XYLT1: variants seen among roughly 807,000 people sequenced by gnomAD.
The protein encoded by XYLT1 is xylosyltransferase 1.
XYLT1 carries 36 observed loss-of-function variants against 91.3 expected under a neutral mutation model. The observed-to-expected ratio is 0.39, with a 90% CI of 0.30 to 0.52. The LOEUF (loss-of-function observed/expected upper bound fraction) is 0.52, where lower values mean the gene tolerates loss of function less well. Among genes scored for constraint, XYLT1 ranks in the 20% least tolerant of loss-of-function variants. XYLT1 has a pLI of 0.68. For synonymous variants in XYLT1, 588 were observed against 532.0 expected (o/e 1.11, Z -1.45); for missense variants, 1,242 against 1,284.5 (o/e 0.97, Z 0.51).
At chr16:17,331,994 C>T (rs1046985546) in intron 2 of XYLT1, among the ~76,000 whole-genome samples, 2 of 152,224 alleles carry the variant, frequency 1.3e-5, no homozygotes, top group African/African-American at 4.8e-5. Flanking sequence ...CTGCCAGCCT[C>T]TGGGATTATT....
intron 1 of XYLT1, among the ~76,000 whole-genome samples, chr16:17,375,645 G>C (rs1007119724): frequency 2.0e-5 from 3 of 152,204 alleles, no homozygotes; most frequent in African/African-American, 7.2e-5. Context: ...ATTTGATAAG[G>C]CTGGTCAAGT....
In XYLT1 at chr16:17,374,725, A is replaced by C. The variant is rs8050200; in HGVS notation, c.364-16675T>G. Among the ~76,000 whole-genome samples the C allele has an allele frequency of 1.1e-3, 171 of 152,316 alleles. 1 individual carries two copies. Among genetic ancestry groups the C allele is most frequent in the Middle Eastern group, 6.8e-3 (2 of 294 alleles). On this transcript the variant is annotated intron_variant, in intron 1 of 11. Coordinates refer to ENST00000261381, the MANE Select transcript of XYLT1 (RefSeq NM_022166.4). ...CTGTCTAAAATAGAAGGACAAAAAA[A>C]ATCAATCTAGGTTAGAAAACATCAA... is the stretch of plus-strand genomic sequence containing the variant.
chr16:17,318,594 G>T (rs1440758197), intron 2 of XYLT1, among the ~76,000 whole-genome samples: 1 of 152,166 alleles, frequency 6.6e-6, no homozygotes, highest in East Asian at 1.9e-4. Flanking sequence ...CAATCCTGGG[G>T]TCAGTTATGC....
intron 1 of XYLT1, among the ~76,000 whole-genome samples, chr16:17,361,428 T>C (rs557469728): frequency 6.6e-6 from 1 of 152,228 alleles, no homozygotes; most frequent in African/African-American, 2.4e-5. Context: ...GTAACTGATA[T>C]ACTTTCTAAA....
chr16:17,169,234 A>G (rs894089230), intron 5 of XYLT1, among the ~76,000 whole-genome samples: 1 of 152,200 alleles, frequency 6.6e-6, no homozygotes, highest in Non-Finnish European at 1.5e-5. Flanking sequence ...GGAGGCTACA[A>G]AAAGTATGCT....
At chr16:17,338,463 G>C (rs1441595921) in intron 2 of XYLT1, 1 of 456,394 alleles carries the variant, frequency 2.2e-6, no homozygotes, top group Non-Finnish European at 4.4e-6. Flanking sequence ...ACGCTTTGCC[G>C]GGCTGGCTGG....
chr16:17,365,228 G>A (rs7187184), intron 1 of XYLT1, among the ~76,000 whole-genome samples: 9,551 of 152,184 alleles, frequency 0.063, 418 homozygotes, highest in Middle Eastern at 0.12. Flanking sequence ...CCTCCTCAGG[G>A]AAGTGGGACT....
chr16:17,336,521 C>T (rs973217009), intron 2 of XYLT1, among the ~76,000 whole-genome samples: 6 of 152,072 alleles, frequency 3.9e-5, no homozygotes, highest in African/African-American at 1.4e-4. Context: ...TGTGTGGTTG[C>T]GGGTGTGGGT....
At chr16:17,436,894 A>G (rs1420263070) in intron 1 of XYLT1, among the ~76,000 whole-genome samples, 2 of 152,184 alleles carry the variant, frequency 1.3e-5, no homozygotes, top group Non-Finnish European at 2.9e-5. Flanking sequence ...TATTCCATTC[A>G]CTGGGTAACA....
chr16:17,171,405 G>A (rs1334075927), intron 5 of XYLT1, among the ~76,000 whole-genome samples: 1 of 152,164 alleles, frequency 6.6e-6, no homozygotes, highest in Non-Finnish European at 1.5e-5. Flanking sequence ...AGGTCAAAAT[G>A]CACTGCAACA....
At chr16:17,236,458 G>A (rs1238522295) in intron 3 of XYLT1, among the ~76,000 whole-genome samples, 1 of 151,624 alleles carries the variant, frequency 6.6e-6, no homozygotes, top group Non-Finnish European at 1.5e-5. Context: ...GCTGGACTTG[G>A]TTGAGGGGAC....
chr16:17,305,075 C>A (rs1396605165), intron 2 of XYLT1, among the ~76,000 whole-genome samples: 1 of 152,152 alleles, frequency 6.6e-6, no homozygotes, highest in Non-Finnish European at 1.5e-5. Flanking sequence ...ATTTCACTAA[C>A]TCCTGATGAT....
chr16:17,385,307 CA>C (rs1469670057), intron 1 of XYLT1, among the ~76,000 whole-genome samples: 5 of 149,996 alleles, frequency 3.3e-5, no homozygotes, highest in African/African-American at 9.9e-5. Context: ...CACACACACA[CA>C]CACCTATGTA....
chr16:17,331,788 T>C (rs2034901957), intron 2 of XYLT1, among the ~76,000 whole-genome samples: 3 of 152,134 alleles, frequency 2.0e-5, no homozygotes, highest in Admixed American at 2.0e-4. Flanking sequence ...CACCACACTG[T>C]GGTATAAGGC....
Position 17,108,184 on chromosome 16 carries a change from G to T in XYLT1, c.*511C>A, listed in dbSNP as rs1280530097. On this transcript the variant is annotated 3_prime_UTR_variant, in exon 12 of 12. Coordinates refer to ENST00000261381, the MANE Select transcript of XYLT1 (RefSeq NM_022166.4). ...GGCAGTGCTTGTCAAACTGGCATTTGCAGAGCCCTTGGGTTCTGAAGAGGT... is the reference window on the plus strand; with the variant it reads ...GGCAGTGCTTGTCAAACTGGCATTTTCAGAGCCCTTGGGTTCTGAAGAGGT... The T allele has an allele frequency of 6.5e-6, 1 of 153,108 alleles. No individual in the cohort carries two copies. The highest frequency in any genetic ancestry group is 1.5e-5 in the Non-Finnish European group (1 of 68,382). The allele number at this position is 153,108 out of a possible 1,614,324, so 9.5% of individuals were successfully genotyped here. A position where few individuals can be genotyped will look rare whatever the true frequency, so the allele number is the denominator to read the frequency against.
chr16:17,190,358 A>C (rs2032281077), intron 5 of XYLT1, among the ~76,000 whole-genome samples: 1 of 152,018 alleles, frequency 6.6e-6, no homozygotes, highest in Non-Finnish European at 1.5e-5. Flanking sequence ...GGTTTGTTAC[A>C]TATGTATACA....
At chr16:17,142,382 T>C (rs1034445054) in intron 6 of XYLT1, among the ~76,000 whole-genome samples, 1 of 151,746 alleles carries the variant, frequency 6.6e-6, no homozygotes, top group South Asian at 2.1e-4. Context: ...TGTTTCTTTA[T>C]TAATACATTA....
chr16:17,299,596 G>A (rs1275111944), intron 2 of XYLT1, among the ~76,000 whole-genome samples: 1 of 152,164 alleles, frequency 6.6e-6, no homozygotes, highest in Non-Finnish European at 1.5e-5. Flanking sequence ...CTCTAGCTGA[G>A]GTCGCCATAT....
intron 2 of XYLT1, among the ~76,000 whole-genome samples, chr16:17,351,752 G>GGGT (rs997996644): frequency 6.7e-6 from 1 of 149,592 alleles, no homozygotes; most frequent in African/African-American, 2.5e-5. Flanking sequence ...TTTTTTTTGG[G>GGGT]GGGGGGTGCT....
Sources: allele counts gnomAD v4.1 joint callset (sites outside exome capture counted in the v4.1 genomes callset), GRCh38; gene constraint gnomAD v4.1.1; transcripts MANE v1.5; gene names NCBI Gene and HGNC (gene_info 2026-07-23, HGNC 2026-07-21).